NTN1: variants seen among roughly 807,000 people sequenced by gnomAD.
The protein encoded by NTN1 is netrin 1.
NTN1 carries 11 observed loss-of-function variants against 54.2 expected under a neutral mutation model. The observed-to-expected ratio is 0.20, with a 90% confidence interval of 0.13 to 0.34. The LOEUF is 0.34. Ranked by LOEUF, NTN1 falls within the 10% of genes least tolerant of loss-of-function variation. The pLI is 1.00. For missense variants in NTN1, 740 were observed against 893.1 expected (o/e 0.83, Z 2.18); for synonymous variants, 371 against 382.0 (o/e 0.97, Z 0.33).
At chr17:9,167,503 A>C (rs1381539487) in intron 3 of NTN1, among the ~76,000 whole-genome samples, 1 of 152,096 alleles carries the variant, frequency 6.6e-6, no homozygotes, top group Non-Finnish European at 1.5e-5. Context: ...TCCCCATACA[A>C]AGGGCTTGCA....
In NTN1 at chr17:9,221,108, A is replaced by G. The variant is rs1597545221; in HGVS notation, c.1412-60A>G. On this transcript the variant is annotated intron_variant, in intron 5 of 6. Transcript: ENST00000173229. This position sits in a 1 kb window ranked among gnomAD's most constrained non-coding sequence, Gnocchi z 4.5. ...GAGGCGGCCTCCTACTCTGCCCGCC[A>G]GCCTATTCATCGCCAGCCTAATTAG... The G allele has an allele frequency of 6.1e-6, 7 of 1,146,002 alleles. No individual in the cohort carries two copies. Among genetic ancestry groups the G allele is most frequent in the Non-Finnish European group, 9.3e-6 (7 of 753,916 alleles). 71.0% of individuals were successfully genotyped at this position (1,146,002 alleles called of 1,614,324 possible).
intron 2 of NTN1, among the ~76,000 whole-genome samples, chr17:9,114,642 A>C (rs1034548845): frequency 6.6e-6 from 1 of 152,104 alleles, no homozygotes; most frequent in Non-Finnish European, 1.5e-5. Flanking sequence ...AATCCCAGCT[A>C]CTTGGGAGGC....
chr17:9,227,875 A>G (rs1041738620), intron 6 of NTN1, among the ~76,000 whole-genome samples: 2 of 150,718 alleles, frequency 1.3e-5, no homozygotes, highest in South Asian at 4.2e-4. Context: ...CACACACCCC[A>G]TCACACACAC....
chr17:9,214,838 T>C (rs1905182200), intron 5 of NTN1, among the ~76,000 whole-genome samples: 1 of 152,200 alleles, frequency 6.6e-6, no homozygotes, highest in South Asian at 2.1e-4. Flanking sequence ...AAAATCATTT[T>C]ATTTGGTTAT....
chr17:9,180,239 G>T (rs9906631), intron 4 of NTN1, among the ~76,000 whole-genome samples: 1,636 of 152,228 alleles, frequency 0.011, 29 homozygotes, highest in African/African-American at 0.038. Context: ...GGATTTCGCT[G>T]TGTTGGCCAG....
At chr17:9,125,812 A>G (rs1303517036) in intron 2 of NTN1, among the ~76,000 whole-genome samples, 2 of 152,210 alleles carry the variant, frequency 1.3e-5, no homozygotes, top group Admixed American at 1.3e-4. Context: ...GACCTTCTGC[A>G]GAGTGGATGC....
chr17:9,110,169 C>A (rs1329507748), intron 2 of NTN1, among the ~76,000 whole-genome samples: 3 of 152,176 alleles, frequency 2.0e-5, no homozygotes, highest in African/African-American at 7.2e-5. Flanking sequence ...TGACTCAAAA[C>A]CCAGGGTGTG....
At chr17:9,018,250 C>G (rs1202498433), upstream of NTN1, among the ~76,000 whole-genome samples, 2 of 152,136 alleles carry the variant, frequency 1.3e-5, no homozygotes, top group Non-Finnish European at 2.9e-5. Context: ...CTGAAGACCC[C>G]TGGCCTAAGC....
intron 2 of NTN1, among the ~76,000 whole-genome samples, chr17:9,093,784 G>GC (rs1417123057): frequency 1.3e-5 from 2 of 152,156 alleles, no homozygotes; most frequent in East Asian, 3.9e-4. Flanking sequence ...CACCAGCCTG[G>GC]CCAACATGGT....
At chr17:9,012,570 T>C in the NTN1 span, among the ~76,000 whole-genome samples, 2 of 152,088 alleles carry the variant, frequency 1.3e-5, no homozygotes, top group Middle Eastern at 3.4e-3. Context: ...CTTGGGACTT[T>C]TGCACGTGCC....
intron 2 of NTN1, among the ~76,000 whole-genome samples, chr17:9,025,424 C>A (rs1378039219): frequency 6.6e-6 from 1 of 151,948 alleles, no homozygotes; most frequent in Non-Finnish European, 1.5e-5. Context: ...CGTTTTTGTT[C>A]AAAAAGTTTA....
intron 2 of NTN1, among the ~76,000 whole-genome samples, chr17:9,153,107 A>G (rs942206305): frequency 6.6e-6 from 1 of 152,132 alleles, no homozygotes; most frequent in Non-Finnish European, 1.5e-5. Flanking sequence ...TGTCTTTACT[A>G]AAAATACAAA....
chr17:9,151,714 T>G (rs866602772), intron 2 of NTN1, among the ~76,000 whole-genome samples: 40 of 152,314 alleles, frequency 2.6e-4, no homozygotes, highest in African/African-American at 8.9e-4. Flanking sequence ...TTCAGGGGCC[T>G]CTAAGGCTGA....
Position 9,239,294 on chromosome 17 carries a change from A to T in NTN1, c.1487-346A>T, listed in dbSNP as rs1479061208. On this transcript the variant is annotated intron_variant, in intron 6 of 6. Coordinates refer to ENST00000173229, the MANE Select transcript of NTN1 (RefSeq NM_004822.3). This position sits in a 1 kb window ranked among gnomAD's most constrained non-coding sequence, Gnocchi z 5.2. ...CCCTCTCCCCGCCAGCACTGCTCTCACCCGAGCGCCTGCCCTGGGCAGACA... is the reference window on the plus strand; with the variant it reads ...CCCTCTCCCCGCCAGCACTGCTCTCTCCCGAGCGCCTGCCCTGGGCAGACA... 6.6e-6 allele frequency among the ~76,000 whole-genome samples: 1 copy of T among 152,106 alleles called. No individual in the cohort carries two copies. Among genetic ancestry groups the T allele is most frequent in the East Asian group, 1.9e-4 (1 of 5,182 alleles).
At chr17:9,042,139 AT>A (rs2091924203) in intron 2 of NTN1, among the ~76,000 whole-genome samples, 1 of 152,130 alleles carries the variant, frequency 6.6e-6, no homozygotes, top group Non-Finnish European at 1.5e-5. Flanking sequence ...TAGTTTCTCC[AT>A]ACCCTTGAAA....
chr17:9,239,978 A>AGCGGGCGGGCGG lies in NTN1; in HGVS notation c.*22_*33dup, dbSNP rs762914852. 1.5e-4 allele frequency: 9 copies of AGCGGGCGGGCGG among 59,286 alleles called. No individual in the cohort carries two copies. The highest frequency in any genetic ancestry group is 7.6e-4 in the African/African-American group (8 of 10,594). The allele number at this position is 59,286 out of a possible 1,614,324, so 3.7% of individuals were successfully genotyped here. Reference sequence around the variant, plus strand: ...GTGCAAGAAGGCCTAGCGCCGAGGCAGCGGGCGGGCGGGCGGGCGGGCGCC... The same window carrying AGCGGGCGGGCGG: ...GTGCAAGAAGGCCTAGCGCCGAGGCAGCGGGCGGGCGGGCGGGCGGGCGGGCGGGCGGGCGCC... On this transcript the variant is annotated 3_prime_UTR_variant, in exon 7 of 7. Transcript: ENST00000173229. The surrounding 1 kb of genome is among the most constrained non-coding windows in gnomAD (Gnocchi z 5.2).
chr17:9,160,777 A>G (rs2092354929), intron 2 of NTN1, among the ~76,000 whole-genome samples: 1 of 151,726 alleles, frequency 6.6e-6, no homozygotes, highest in African/African-American at 2.4e-5. Context: ...ACATGGTGAA[A>G]CCCTGTTTCT....
At chr17:9,230,458 C>CCT (rs1555579397) in intron 6 of NTN1, among the ~76,000 whole-genome samples, 26 of 150,980 alleles carry the variant, frequency 1.7e-4, no homozygotes, top group South Asian at 6.3e-4. Context: ...ACCCCCCCCC[C>CCT]GAGTGCCAGC....
chr17:9,098,483 CA>C (rs2092139330), intron 2 of NTN1, among the ~76,000 whole-genome samples: 1 of 152,234 alleles, frequency 6.6e-6, no homozygotes. Flanking sequence ...GTCATTGCAG[CA>C]TATCTGGCCT....
Sources: gnomAD v4.1 joint callset for allele counts (sites outside exome capture counted in the v4.1 genomes callset) on GRCh38, gnomAD v4.1.1 for gene constraint, Gnocchi (gnomAD v3.1) non-coding constraint, MANE v1.5 for transcripts, NCBI Gene and HGNC (gene_info 2026-07-23, HGNC 2026-07-21) for gene names.